Variants in NEBL observed in about 807,000 individuals in gnomAD.
The protein encoded by NEBL is nebulette, also known as LIM and SH3 protein 2.
NEBL carries 122 observed loss-of-function variants against 140.2 expected under a neutral mutation model. That is an observed-to-expected ratio of 0.87 (90% CI 0.75 to 1.01). The LOEUF (loss-of-function observed/expected upper bound fraction) is 1.01, where lower values mean the gene tolerates loss of function less well. Among genes scored for constraint, NEBL ranks in the 50% least tolerant of loss-of-function variants. NEBL has a pLI of 0.00. For synonymous variants in NEBL, 436 were observed against 398.9 expected (o/e 1.09, Z -1.11); for missense variants, 1,365 against 1,231.3 (o/e 1.11, Z -1.62).
At chr10:20,842,099 G>T (rs1054030255) in intron 12 of NEBL, among the ~76,000 whole-genome samples, 2 of 151,952 alleles carry the variant, frequency 1.3e-5, no homozygotes, top group African/African-American at 4.8e-5. Flanking sequence ...TTATTGATAA[G>T]AAATCAGGTT....
At chr10:20,980,773 C>T (rs1352182625) in intron 3 of NEBL, among the ~76,000 whole-genome samples, 1 of 152,168 alleles carries the variant, frequency 6.6e-6, no homozygotes, top group Non-Finnish European at 1.5e-5. Context: ...CCTTTGTTAA[C>T]AAAAGTGAGA....
At chr10:21,242,186 C>T (rs1020612906) in intron 3 of NEBL, among the ~76,000 whole-genome samples, 1 of 151,604 alleles carries the variant, frequency 6.6e-6, no homozygotes, top group Non-Finnish European at 1.5e-5. Context: ...GCCTGGGTGA[C>T]AGAGCAAGAC....
At chr10:21,069,758 A>G (rs921678364) in intron 2 of NEBL, among the ~76,000 whole-genome samples, 1 of 152,258 alleles carries the variant, frequency 6.6e-6, no homozygotes, top group Admixed American at 6.5e-5. Context: ...AACCTTCTAT[A>G]GAACAAAACA....
At chr10:21,010,419 A>T (rs1180216402) in intron 3 of NEBL, among the ~76,000 whole-genome samples, 12 of 140,768 alleles carry the variant, frequency 8.5e-5, no homozygotes, top group African/African-American at 2.8e-4. Flanking sequence ...GAATTTTTTA[A>T]TTTTTTTTTT....
intron 2 of NEBL, among the ~76,000 whole-genome samples, chr10:21,073,562 A>G (rs1025802018): frequency 2.0e-5 from 3 of 148,788 alleles, no homozygotes; most frequent in African/African-American, 7.5e-5. Flanking sequence ...GGTTGCAGTG[A>G]GCCTAGAATG....
intron 10 of NEBL, among the ~76,000 whole-genome samples, chr10:20,852,130 T>A (rs1842603874): frequency 6.6e-6 from 1 of 152,188 alleles, no homozygotes; most frequent in Non-Finnish European, 1.5e-5. Context: ...ATTAGTCATA[T>A]TGTATTCCCT....
intron 3 of NEBL, among the ~76,000 whole-genome samples, chr10:21,230,675 G>A (rs1842236279): frequency 6.6e-6 from 1 of 151,208 alleles, no homozygotes; most frequent in South Asian, 2.1e-4. Context: ...CGTGATCTTG[G>A]TTCACTGCAA....
rs141087494 is a variant in NEBL, at chr10:21,054,882, G to A, written c.165-34681C>T. 5.1e-4 allele frequency among the ~76,000 whole-genome samples: 78 copies of A among 152,204 alleles called. 1 individual carries two copies. Among genetic ancestry groups the A allele is most frequent in the African/African-American group, 1.8e-3 (73 of 41,542 alleles). On this transcript the variant is annotated intron_variant, in intron 2 of 6. Coordinates refer to the NEBL transcript ENST00000417816. ...ATGAAACTTGAGAGTTAATTACCCAGGCACTGCAAGATAAGTGCTAATATA... is the reference window on the plus strand; with the variant it reads ...ATGAAACTTGAGAGTTAATTACCCAAGCACTGCAAGATAAGTGCTAATATA...
At chr10:21,108,846 T>C in intron 2 of NEBL, among the ~76,000 whole-genome samples, 1 of 152,164 alleles carries the variant, frequency 6.6e-6, no homozygotes, top group African/African-American at 2.4e-5. Flanking sequence ...TGCTCCTGTA[T>C]TGGGTGCATA....
intron 3 of NEBL, among the ~76,000 whole-genome samples, chr10:20,978,702 C>G (rs554756031): frequency 6.6e-6 from 1 of 151,806 alleles, no homozygotes; most frequent in Admixed American, 6.6e-5. Context: ...CTGCAGTGAG[C>G]CGTGATTGTG....
At chr10:21,170,369 A>C (rs2132180120) in intron 2 of NEBL, 1 of 152,302 alleles carries the variant, frequency 6.6e-6, no homozygotes. Flanking sequence ...GTGGTCCATA[A>C]AGCCTGATGG....
At chr10:20,972,222 G>A (rs891787874) in intron 3 of NEBL, among the ~76,000 whole-genome samples, 2 of 152,096 alleles carry the variant, frequency 1.3e-5, no homozygotes, top group Non-Finnish European at 2.9e-5. Context: ...TCAAAGTCTC[G>A]TCACAGCTGA....
At chr10:21,252,807 T>C (rs1842603463) in intron 1 of NEBL, among the ~76,000 whole-genome samples, 1 of 151,920 alleles carries the variant, frequency 6.6e-6, no homozygotes, top group Admixed American at 6.6e-5. Context: ...AATACAAAAT[T>C]AGCCAGGCAT....
At chr10:21,276,376 C>A (rs1842925477) in intron 1 of NEBL, among the ~76,000 whole-genome samples, 1 of 152,184 alleles carries the variant, frequency 6.6e-6, no homozygotes, top group African/African-American at 2.4e-5. Context: ...CATCCCACCA[C>A]AACCCTCCAC....
intron 2 of NEBL, chr10:21,146,284 C>G: frequency 7.3e-7 from 1 of 1,376,298 alleles, no homozygotes; most frequent in African/African-American, 1.4e-5. Context: ...TACATCACCA[C>G]GTGGCCCTGT....
At chr10:21,168,520 T>C (rs1004772254) in intron 2 of NEBL, among the ~76,000 whole-genome samples, 20 of 152,290 alleles carry the variant, frequency 1.3e-4, no homozygotes, top group African/African-American at 4.6e-4. Flanking sequence ...TGAGCGCTGA[T>C]TGGATCCTGG....
intron 9 of NEBL, among the ~76,000 whole-genome samples, chr10:20,857,455 T>C (rs1299616778): frequency 6.6e-6 from 1 of 152,162 alleles, no homozygotes; most frequent in Non-Finnish European, 1.5e-5. Flanking sequence ...TTCAATAAAT[T>C]ATGATTAATT....
At chr10:20,981,108 A>T (rs1432630976) in intron 3 of NEBL, among the ~76,000 whole-genome samples, 1 of 152,178 alleles carries the variant, frequency 6.6e-6, no homozygotes, top group African/African-American at 2.4e-5. Context: ...TTATTTATTC[A>T]AAGCCACCTC....
At chr10:21,234,369 C>T (rs1842319217) in intron 3 of NEBL, among the ~76,000 whole-genome samples, 1 of 152,034 alleles carries the variant, frequency 6.6e-6, no homozygotes, top group Non-Finnish European at 1.5e-5. Context: ...TTTAAAGAGC[C>T]TGGCGCCACC....
Sources: allele counts gnomAD v4.1 joint callset (sites outside exome capture counted in the v4.1 genomes callset), GRCh38; gene constraint gnomAD v4.1.1; transcripts MANE v1.5; gene names NCBI Gene and HGNC (gene_info 2026-07-23, HGNC 2026-07-21).